The following ESF1 variants were observed in gnomAD, a reference collection of about 807,000 sequenced individuals.
The protein encoded by ESF1 is ESF1 nucleolar pre-rRNA processing protein.
In ESF1, 58 loss-of-function variants were observed where a neutral mutation model predicts 92.0. The ratio of observed to expected loss-of-function variants is 0.63; its 90% confidence interval spans 0.51 to 0.78. The LOEUF is 0.78. Among genes scored for constraint, ESF1 ranks in the 30% least tolerant of loss-of-function variants. The pLI is 0.00. For synonymous variants in ESF1, 321 were observed against 313.7 expected (o/e 1.02, Z -0.24); for missense variants, 922 against 989.1 (o/e 0.93, Z 0.91).
rs78198998 is a variant in ESF1, at chr20:13,725,351, C to T, written c.2038+3027G>A. Among the ~76,000 whole-genome samples, 509 of 152,280 alleles carry T rather than the reference C, an allele frequency of 3.3e-3. 1 individual carries two copies. The highest frequency in any genetic ancestry group is 0.011 in the African/African-American group (477 of 41,540). ...TGGAACAATCCCAAGGGAAAGAAAA[C>T]ATGCCCTAAAAGCTCATATCTTTAA... is the stretch of plus-strand genomic sequence containing the variant. On this transcript the variant is annotated intron_variant, in intron 11 of 13. Transcript: ENST00000617257.
intron 2 of ESF1, among the ~76,000 whole-genome samples, chr20:13,781,236 T>C (rs1223853355): frequency 6.6e-6 from 1 of 152,206 alleles, no homozygotes; most frequent in Non-Finnish European, 1.5e-5. Context: ...AACGGAGCAC[T>C]TGAAATGCGT....
chr20:13,766,668 T>C, intron 8 of ESF1, 109 bp downstream of exon 8: 1 of 986,354 alleles, frequency 1.0e-6, no homozygotes, highest in Non-Finnish European at 1.5e-6. Flanking sequence ...TCTACAGGTA[T>C]ATATAATACT....
intron 7 of ESF1, 58 bp from the exon 8 acceptor site, chr20:13,766,982 T>A: frequency 1.9e-6 from 3 of 1,547,100 alleles, no homozygotes; most frequent in Non-Finnish European, 2.6e-6. Flanking sequence ...AGCTCAAACT[T>A]GTTAAAGAAT....
chr20:13,731,962 C>T (rs2049946482), intron 10 of ESF1, among the ~76,000 whole-genome samples: 1 of 152,236 alleles, frequency 6.6e-6, no homozygotes, highest in South Asian at 2.1e-4. Context: ...CCATACCTTA[C>T]CCTATTTCCT....
chr20:13,731,814 G>A (rs186991300), intron 10 of ESF1, among the ~76,000 whole-genome samples: 17 of 152,270 alleles, frequency 1.1e-4, no homozygotes, highest in Admixed American at 3.3e-4. Flanking sequence ...CTGTAGTTGT[G>A]GGGAAGGAAT....
At chr20:13,774,887 A>T (rs1343696233) in intron 4 of ESF1, among the ~76,000 whole-genome samples, 1 of 152,188 alleles carries the variant, frequency 6.6e-6, no homozygotes, top group African/African-American at 2.4e-5. Flanking sequence ...ATTTATTGTT[A>T]AAAACACTTC....
chr20:13,754,145 T>C (rs963543549), intron 9 of ESF1, among the ~76,000 whole-genome samples: 10 of 152,216 alleles, frequency 6.6e-5, no homozygotes, highest in African/African-American at 2.4e-4. Context: ...ACCATACTAC[T>C]TTCATCCCCC....
chr20:13,747,275 A>G (rs1002945798), intron 9 of ESF1, among the ~76,000 whole-genome samples: 2 of 141,456 alleles, frequency 1.4e-5, no homozygotes, highest in Non-Finnish European at 3.1e-5. Context: ...AAAAAAAAAA[A>G]CAGGGCTGGG....
chr20:13,771,555 A>T, intron 5 of ESF1, 72 bp from the exon 6 acceptor site: 1 of 1,263,342 alleles, frequency 7.9e-7, no homozygotes, highest in Non-Finnish European at 1.1e-6. Flanking sequence ...AATAAATGTA[A>T]TTCTTTCAAG....
Position 13,714,774 on chromosome 20 carries a change from G to T in ESF1, c.*100C>A. On this transcript the variant is annotated 3_prime_UTR_variant, in exon 14 of 14. Transcript: ENST00000617257. ...ATGTCCAGAAAAAGATTTTATTCAT[G>T]TTCTTGAAAGATAGCTTTGTTCCCA... 2 of 1,071,568 alleles carry T rather than the reference G, an allele frequency of 1.9e-6. No homozygotes were observed. Among genetic ancestry groups the T allele is most frequent in the Non-Finnish European group, 2.6e-6 (2 of 770,376 alleles). 66.4% of individuals were successfully genotyped at this position (1,071,568 alleles called of 1,614,324 possible). A position where few individuals can be genotyped will look rare whatever the true frequency, so the allele number is the denominator to read the frequency against.
At chr20:13,769,223 T>C (rs1979570420) in intron 7 of ESF1, among the ~76,000 whole-genome samples, 2 of 152,170 alleles carry the variant, frequency 1.3e-5, no homozygotes, top group South Asian at 2.1e-4. Flanking sequence ...CTAGTTTCAT[T>C]TAACTGTGCG....
Position 13,782,687 on chromosome 20 carries a change from T to C in ESF1, c.454A>G (p.Ile152Val), listed in dbSNP as rs774559327. ...TCTTTGCTATCCTTCTTCGGACTTATGTTTGAATCTATCTTAAATTTACAT... is the reference window on the plus strand; with the variant it reads ...TCTTTGCTATCCTTCTTCGGACTTACGTTTGAATCTATCTTAAATTTACAT... ...TSCKFKIDSN[I>V]SPKKDSKEFT... Residue 152 changes from isoleucine (I) to valine (V), a missense_variant, in exon 2 of 14, where the codon ATA (isoleucine) becomes GTA (valine). Transcript: ENST00000617257. 5.7e-6 allele frequency: 9 copies of C among 1,591,362 alleles called. No homozygotes were observed. The Admixed American group carries it at 7.4e-5, about 13-fold the overall frequency.
In ESF1 at chr20:13,775,271, C is replaced by A; in HGVS notation, c.1036-1G>T. ...TACAAACTGCTAATCGACGTGTAAT[C>A]TGAGAAATGAGAAGAATTAAATAGT... On this transcript the variant is annotated splice_acceptor_variant, in intron 3 of 13. Coordinates refer to ENST00000617257, the MANE Select transcript of ESF1 (RefSeq NM_001276380.2). LOFTEE classifies it high-confidence loss of function. The A allele has an allele frequency of 6.4e-7, 1 of 1,561,382 alleles. No individual in the cohort carries two copies. Among genetic ancestry groups the A allele is most frequent in the Non-Finnish European group, 8.7e-7 (1 of 1,145,440 alleles).
chr20:13,782,480 A>T, intron 2 of ESF1, 24 bp downstream of exon 2: 1 of 1,483,304 alleles, frequency 6.7e-7, no homozygotes, highest in East Asian at 2.4e-5. Context: ...AACACCCAAG[A>T]ATCTCTAATT....
chr20:13,725,589 GC>G (rs2049896098), intron 11 of ESF1, among the ~76,000 whole-genome samples: 1 of 152,022 alleles, frequency 6.6e-6, no homozygotes, highest in African/African-American at 2.4e-5. Context: ...TTTCCCAGCC[GC>G]CGCTTCTCAG....
At chr20:13,755,851 C>T (rs866936029) in intron 9 of ESF1, among the ~76,000 whole-genome samples, 2 of 152,072 alleles carry the variant, frequency 1.3e-5, no homozygotes, top group Admixed American at 6.6e-5. Context: ...AAAGGTAGAA[C>T]GTTTAAATAG....
At chr20:13,715,815 C>T (rs2049820689) in intron 13 of ESF1, among the ~76,000 whole-genome samples, 1 of 152,078 alleles carries the variant, frequency 6.6e-6, no homozygotes. Flanking sequence ...GGGTAACCAG[C>T]AGAAAGGGAA....
chr20:13,714,761 AG>A lies in ESF1; in HGVS notation c.*112del. The A allele has an allele frequency of 9.9e-7, 1 of 1,009,004 alleles. No homozygotes were observed. The highest frequency in any genetic ancestry group is 2.0e-5 in the South Asian group (1 of 49,968). 62.5% of individuals were successfully genotyped at this position (1,009,004 alleles called of 1,614,324 possible). Reference sequence around the variant, plus strand: ...GAAAAATTTTACTATGTCCAGAAAAAGATTTTATTCATGTTCTTGAAAGATA... The same window carrying A: ...GAAAAATTTTACTATGTCCAGAAAAAATTTTATTCATGTTCTTGAAAGATA... On this transcript the variant is annotated 3_prime_UTR_variant, in exon 14 of 14. Transcript: ENST00000617257.
At chr20:13,723,558 A>AAAGAAAAAATTATAAAAGATAG (rs2049882065) in intron 11 of ESF1, among the ~76,000 whole-genome samples, 1 of 132,718 alleles carries the variant, frequency 7.5e-6, no homozygotes, top group Non-Finnish European at 1.7e-5. Context: ...GAAGGAAATC[A>AAAGAAAAAATTATAAAAGATAG]AAGAAAAAAT....
Sources: gnomAD v4.1 joint callset for allele counts (sites outside exome capture counted in the v4.1 genomes callset) on GRCh38, gnomAD v4.1.1 for gene constraint, MANE v1.5 for transcripts, NCBI Gene and HGNC (gene_info 2026-07-23, HGNC 2026-07-21) for gene names.